The following MAP3K2 variants were observed in gnomAD, a reference collection of about 807,000 sequenced individuals.
MAP3K2 encodes MAP/ERK kinase kinase 2.
In MAP3K2, 24 loss-of-function variants were observed where a neutral mutation model predicts 80.3. That is an observed-to-expected ratio of 0.30 (90% CI 0.22 to 0.42). The LOEUF (loss-of-function observed/expected upper bound fraction) is 0.42. MAP3K2 is among the 10% of genes least tolerant of loss of function. The pLI, the probability that MAP3K2 is intolerant of heterozygous loss-of-function variation, is 1.00. For missense variants in MAP3K2, 608 were observed against 750.1 expected (o/e 0.81, Z 2.21); for synonymous variants, 244 against 253.7 (o/e 0.96, Z 0.36).
intron 1 of MAP3K2, 111 bp from the exon 2 acceptor site, chr2:127,343,305 A>G: frequency 3.6e-6 from 2 of 559,882 alleles, no homozygotes; most frequent in Non-Finnish European, 6.4e-6. Flanking sequence ...TACAATATGA[A>G]TACTTTACAC....
chr2:127,371,517 T>C (rs1687064164), intron 1 of MAP3K2, among the ~76,000 whole-genome samples: 1 of 152,136 alleles, frequency 6.6e-6, no homozygotes, highest in Admixed American at 6.5e-5. Flanking sequence ...GACAAATTAG[T>C]CACACCCAGG....
chr2:127,334,690 TG>T (rs1686330220), intron 5 of MAP3K2, among the ~76,000 whole-genome samples: 1 of 152,050 alleles, frequency 6.6e-6, no homozygotes, highest in African/African-American at 2.4e-5. Context: ...GTGATCCTCC[TG>T]CCTTGGCCTC....
chr2:127,310,034 TC>T lies in MAP3K2; in HGVS notation c.1457-1273del, dbSNP rs1685781607. Among the ~76,000 whole-genome samples, 2 of 152,152 alleles carry T rather than the reference TC, an allele frequency of 1.3e-5. No homozygotes were observed. The highest frequency in any genetic ancestry group is 2.4e-5 in the African/African-American group (1 of 41,438). On this transcript the variant is annotated intron_variant, in intron 15 of 16. Transcript: ENST00000682094. The surrounding 1 kb of genome is among the most constrained non-coding windows in gnomAD (Gnocchi z 4.8). ...AGTTATGCTGCAGAAGAGATTTGTC[TC>T]CCCTCTCCCACATATTTATTAAATC... is the stretch of plus-strand genomic sequence containing the variant.
At chr2:127,372,922 TA>T (rs1314922226) in intron 1 of MAP3K2, among the ~76,000 whole-genome samples, 4 of 152,332 alleles carry the variant, frequency 2.6e-5, no homozygotes, top group Non-Finnish European at 4.4e-5. Flanking sequence ...CTATCAATGC[TA>T]ATTTGCAACC....
intron 11 of MAP3K2, among the ~76,000 whole-genome samples, chr2:127,323,203 G>C (rs1480863697): frequency 1.3e-5 from 2 of 151,672 alleles, no homozygotes; most frequent in Admixed American, 1.3e-4. Flanking sequence ...GGAGTTTTGA[G>C]ACCAGCCTGG....
At chr2:127,324,397 T>A (rs938259470) in intron 9 of MAP3K2, among the ~76,000 whole-genome samples, 156 bp from the exon 10 acceptor site, 1 of 152,230 alleles carries the variant, frequency 6.6e-6, no homozygotes, top group Non-Finnish European at 1.5e-5. Flanking sequence ...AAAGAAAAAC[T>A]ACACTTACTT....
chr2:127,335,169 G>A (rs979994312), intron 5 of MAP3K2, among the ~76,000 whole-genome samples: 2 of 152,134 alleles, frequency 1.3e-5, no homozygotes, highest in African/African-American at 4.8e-5. Context: ...TCCATGAGGT[G>A]CTGCAACTTA....
chr2:127,318,096 G>T, intron 13 of MAP3K2, 73 bp downstream of exon 13: 4 of 1,210,218 alleles, frequency 3.3e-6, no homozygotes, highest in Non-Finnish European at 4.4e-6. Flanking sequence ...AATGGAAGGG[G>T]CTTAATGTTA....
At chr2:127,331,613 T>A (rs1418547699) in intron 5 of MAP3K2, among the ~76,000 whole-genome samples, 1 of 152,192 alleles carries the variant, frequency 6.6e-6, no homozygotes, top group Non-Finnish European at 1.5e-5. Flanking sequence ...TCCTTGGGGT[T>A]TTTGATTTTT....
At chr2:127,387,271 G>A (rs1687371873) in intron 1 of MAP3K2, among the ~76,000 whole-genome samples, 181 bp downstream of exon 1, 1 of 152,048 alleles carries the variant, frequency 6.6e-6, no homozygotes, top group African/African-American at 2.4e-5. Context: ...CTGGATGCAG[G>A]GGGCCCAAGG....
intron 5 of MAP3K2, 79 bp downstream of exon 5, chr2:127,335,791 G>T: frequency 2.9e-6 from 2 of 682,822 alleles, no homozygotes; most frequent in Non-Finnish European, 4.9e-6. Context: ...ATAAAAACAC[G>T]AGTCTTAAAA....
At chr2:127,323,875 CT>C in intron 11 of MAP3K2, 26 bp downstream of exon 11, 1 of 1,131,110 alleles carries the variant, frequency 8.8e-7, no homozygotes, top group East Asian at 2.5e-5. Context: ...TTTAACTATT[CT>C]TGTGGTCTAA....
chr2:127,360,680 C>T (rs1232714000), intron 1 of MAP3K2, among the ~76,000 whole-genome samples: 3 of 152,168 alleles, frequency 2.0e-5, no homozygotes, highest in Admixed American at 6.5e-5. Flanking sequence ...ATGAATCACA[C>T]CACAAATCTC....
At chr2:127,351,307 G>C (rs929816274) in intron 1 of MAP3K2, among the ~76,000 whole-genome samples, 3 of 152,000 alleles carry the variant, frequency 2.0e-5, no homozygotes, top group African/African-American at 7.3e-5. Flanking sequence ...TATCCTTATT[G>C]ATAGCAATTA....
chr2:127,378,935 G>C (rs939376625), intron 1 of MAP3K2, among the ~76,000 whole-genome samples: 1 of 151,130 alleles, frequency 6.6e-6, no homozygotes, highest in East Asian at 1.9e-4. Context: ...TGGAACTACC[G>C]GCGTGTGTGC....
At position 127,301,561 on chromosome 2, in the gene MAP3K2, T is replaced by A. The variant is rs1017369171; in HGVS notation, c.*6018A>T. The A allele has an allele frequency of 6.6e-6, 1 of 152,216 alleles. No homozygotes were observed. Among genetic ancestry groups the A allele is most frequent in the Non-Finnish European group, 1.5e-5 (1 of 68,038 alleles). The allele number at this position is 152,216 out of a possible 1,614,324, so 9.4% of individuals were successfully genotyped here. A position where few individuals can be genotyped will look rare whatever the true frequency, so the allele number is the denominator to read the frequency against. On this transcript the variant is annotated 3_prime_UTR_variant, in exon 17 of 17. Transcript: ENST00000682094. ...TTATTTTGGCTATGTGTACAGGGAATATAAAAGCTTTGGTTTAAAGTGATT... is the reference window on the plus strand; with the variant it reads ...TTATTTTGGCTATGTGTACAGGGAAAATAAAAGCTTTGGTTTAAAGTGATT...
At chr2:127,353,002 T>A (rs183875083) in intron 1 of MAP3K2, among the ~76,000 whole-genome samples, 3,955 of 152,172 alleles carry the variant, frequency 0.026, 77 homozygotes, top group African/African-American at 0.031. Flanking sequence ...CACTCAGTGC[T>A]CAATGGTGCC....
rs1445252934 is a variant in MAP3K2 at position 127,299,163 on chromosome 2, C to T, written c.*8416G>A. 1.3e-5 allele frequency: 2 copies of T among 152,134 alleles called. No homozygotes were observed. Among genetic ancestry groups the T allele is most frequent in the East Asian group, 1.9e-4 (1 of 5,200 alleles). The allele number at this position is 152,134 out of a possible 1,614,324, so 9.4% of individuals were successfully genotyped here. On this transcript the variant is annotated 3_prime_UTR_variant, in exon 17 of 17. Coordinates refer to ENST00000682094, the MANE Select transcript of MAP3K2 (RefSeq NM_001371910.2). ...ACATAATAAGCTTAGTGACATTCAA[C>T]TTCAACAGTGGACTTTATTCCTAAC...
At chr2:127,365,116 C>CAAAAAAAAAAAAAAAAAAAA (rs10558890) in intron 1 of MAP3K2, among the ~76,000 whole-genome samples, 3 of 31,656 alleles carry the variant, frequency 9.5e-5, no homozygotes, top group Non-Finnish European at 1.7e-4. Context: ...GACTCTGCCT[C>CAAAAAAAAAAAAAAAAAAAA]AAAAAAAAAA....
Sources: allele counts gnomAD v4.1 joint callset (sites outside exome capture counted in the v4.1 genomes callset), GRCh38; gene constraint gnomAD v4.1.1; non-coding constraint Gnocchi (gnomAD v3.1); transcripts MANE v1.5; gene names NCBI Gene and HGNC (gene_info 2026-07-23, HGNC 2026-07-21).